PPFIA2: variants seen among roughly 807,000 people sequenced by gnomAD.
PPFIA2 encodes liprin-alpha-2.
Under a neutral mutation model 175.5 loss-of-function variants are expected in PPFIA2, and 46 were observed. That is an observed-to-expected ratio of 0.26 (90% CI 0.21 to 0.34). The LOEUF (loss-of-function observed/expected upper bound fraction) is 0.34, where lower values mean the gene tolerates loss of function less well. Among genes scored for constraint, PPFIA2 ranks in the 10% least tolerant of loss-of-function variants. PPFIA2 has a pLI of 1.00. For missense variants in PPFIA2, 1,179 were observed against 1,506.1 expected, an observed-to-expected ratio of 0.78 and a Z score of 3.60; for synonymous variants, 568 against 511.4, an observed-to-expected ratio of 1.11 and a Z score of -1.49.
intron 3 of PPFIA2, among the ~76,000 whole-genome samples, chr12:81,732,630 C>T (rs185896507): frequency 7.9e-4 from 118 of 149,494 alleles, no homozygotes; most frequent in African/African-American, 2.9e-3. Context: ...ATTTCAACAG[C>T]CAAAGCAAAA....
intron 4 of PPFIA2, among the ~76,000 whole-genome samples, chr12:81,606,404 T>C (rs1266191281): frequency 6.6e-6 from 1 of 152,046 alleles, no homozygotes; most frequent in Non-Finnish European, 1.5e-5. Flanking sequence ...AAACTGCTTT[T>C]TACAGTGGCT....
chr12:81,442,731 C>G (rs2050393277), intron 6 of PPFIA2, among the ~76,000 whole-genome samples: 1 of 149,448 alleles, frequency 6.7e-6, no homozygotes. Context: ...CAACTCTCTA[C>G]AGCTATGCTC....
At chr12:81,419,790 G>A (rs1007836712) in intron 7 of PPFIA2, among the ~76,000 whole-genome samples, 1 of 152,086 alleles carries the variant, frequency 6.6e-6, no homozygotes, top group African/African-American at 2.4e-5. Context: ...GTTTGGCCAT[G>A]TGCATTTGCA....
At chr12:81,432,232 G>A (rs774508374) in intron 7 of PPFIA2, among the ~76,000 whole-genome samples, 18 of 151,944 alleles carry the variant, frequency 1.2e-4, no homozygotes, top group Non-Finnish European at 1.9e-4. Flanking sequence ...TTCCCAAACT[G>A]AAATTCTGTA....
intron 9 of PPFIA2, among the ~76,000 whole-genome samples, chr12:81,382,942 G>A (rs2038066614): frequency 6.6e-6 from 1 of 152,204 alleles, no homozygotes; most frequent in South Asian, 2.1e-4. Context: ...AATAGAAGCA[G>A]TAAAGGAGCC....
At chr12:81,421,471 T>A (rs1316987370) in intron 7 of PPFIA2, among the ~76,000 whole-genome samples, 3 of 151,942 alleles carry the variant, frequency 2.0e-5, no homozygotes, top group African/African-American at 7.2e-5. Context: ...TAAAAAAGAC[T>A]GTTGTAACTA....
At chr12:81,449,746 G>A (rs1033343562) in intron 5 of PPFIA2, among the ~76,000 whole-genome samples, 4 of 151,424 alleles carry the variant, frequency 2.6e-5, no homozygotes, top group African/African-American at 4.9e-5. Context: ...CCATTAACTC[G>A]TCATTTACAT....
At chr12:81,339,689 T>G (rs2057734665) in intron 20 of PPFIA2, among the ~76,000 whole-genome samples, 1 of 152,052 alleles carries the variant, frequency 6.6e-6, no homozygotes, top group Non-Finnish European at 1.5e-5. Flanking sequence ...TCAGAGTCTG[T>G]TTTTCTAATC....
chr12:81,299,266 A>G (rs2047238335), intron 23 of PPFIA2, 35 bp downstream of exon 23: 1 of 1,559,146 alleles, frequency 6.4e-7, no homozygotes, highest in South Asian at 1.2e-5. Context: ...CTTAGTAGTG[A>G]TTGATTCAAG....
chr12:81,354,921 G>A (rs1445950439), intron 16 of PPFIA2, among the ~76,000 whole-genome samples: 1 of 152,114 alleles, frequency 6.6e-6, no homozygotes, highest in Non-Finnish European at 1.5e-5. Context: ...GGGATTACAG[G>A]TGTGAGCCAT....
At chr12:81,330,010 G>A (rs1344301736) in intron 21 of PPFIA2, among the ~76,000 whole-genome samples, 1 of 152,208 alleles carries the variant, frequency 6.6e-6, no homozygotes, top group East Asian at 1.9e-4. Flanking sequence ...CAGGGCACAG[G>A]AAGGAAACTC....
At chr12:81,756,121 C>T (rs2084612828) in intron 2 of PPFIA2, among the ~76,000 whole-genome samples, 1 of 152,084 alleles carries the variant, frequency 6.6e-6, no homozygotes, top group African/African-American at 2.4e-5. Flanking sequence ...GCCGCTATGT[C>T]ATTCTGAGAA....
intron 3 of PPFIA2, among the ~76,000 whole-genome samples, chr12:81,727,905 C>T (rs889371983): frequency 3.3e-5 from 5 of 151,482 alleles, no homozygotes; most frequent in African/African-American, 7.2e-5. Flanking sequence ...TTCATTTCTT[C>T]CATCCATGGT....
chr12:81,577,592 A>G (rs2073774922), intron 4 of PPFIA2, among the ~76,000 whole-genome samples: 1 of 151,930 alleles, frequency 6.6e-6, no homozygotes, highest in Non-Finnish European at 1.5e-5. Context: ...AGTTTCATTA[A>G]ATTGATTGAA....
intron 4 of PPFIA2, among the ~76,000 whole-genome samples, chr12:81,622,504 A>G (rs1408585962): frequency 6.6e-6 from 1 of 152,090 alleles, no homozygotes; most frequent in Admixed American, 6.6e-5. Flanking sequence ...ATAACAGTGG[A>G]ATGTGTTTGT....
At chr12:81,757,138 T>G (rs2084806712) in intron 2 of PPFIA2, among the ~76,000 whole-genome samples, 1 of 152,198 alleles carries the variant, frequency 6.6e-6, no homozygotes, top group African/African-American at 2.4e-5. Flanking sequence ...TTTTGCACAT[T>G]TTAAGTATTA....
At chr12:81,673,526 G>C (rs2153565961) in intron 4 of PPFIA2, among the ~76,000 whole-genome samples, 1 of 151,982 alleles carries the variant, frequency 6.6e-6, no homozygotes, top group Admixed American at 6.6e-5. Flanking sequence ...TTTCAATTTT[G>C]ATTATCTAGT....
At chr12:81,325,737 G>T in intron 22 of PPFIA2, 40 bp downstream of exon 22, 1 of 1,380,928 alleles carries the variant, frequency 7.2e-7, no homozygotes, top group Non-Finnish European at 1.0e-6. Context: ...ATAAGGAATT[G>T]ATAAAAGTTA....
chr12:81,399,682 A>G (rs141239533), intron 8 of PPFIA2, among the ~76,000 whole-genome samples: 6 of 152,192 alleles, frequency 3.9e-5, no homozygotes, highest in Admixed American at 6.6e-5. Context: ...GCCCATGTAT[A>G]TCTTTAGACC....
Sources: allele counts gnomAD v4.1 joint callset (sites outside exome capture counted in the v4.1 genomes callset), GRCh38; gene constraint gnomAD v4.1.1; transcripts MANE v1.5; gene names NCBI Gene and HGNC (gene_info 2026-07-23, HGNC 2026-07-21).